The following ZNF385D variants were observed in gnomAD, a reference collection of about 807,000 sequenced individuals.
The protein encoded by ZNF385D is zinc finger protein 659.
Under a neutral mutation model 35.8 loss-of-function variants are expected in ZNF385D, and 15 were observed. The ratio of observed to expected loss-of-function variants is 0.42; its 90% CI spans 0.28 to 0.64. The LOEUF (loss-of-function observed/expected upper bound fraction) is 0.64. ZNF385D is among the 30% of genes least tolerant of loss of function. The pLI, the probability that ZNF385D is intolerant of heterozygous loss-of-function variation, is 0.23. For synonymous variants in ZNF385D, 212 were observed against 186.8 expected, an observed-to-expected ratio of 1.13 and a Z score of -1.10; for missense variants, 474 against 494.6, an observed-to-expected ratio of 0.96 and a Z score of 0.39.
intron 2 of ZNF385D, among the ~76,000 whole-genome samples, chr3:22,202,828 A>G (rs1271434695): frequency 6.6e-6 from 1 of 152,110 alleles, no homozygotes; most frequent in African/African-American, 2.4e-5. Context: ...TGGTGCCTAT[A>G]AAGGGAGCAT....
At chr3:22,092,545 G>C (rs1359299482) in intron 3 of ZNF385D, among the ~76,000 whole-genome samples, 1 of 152,156 alleles carries the variant, frequency 6.6e-6, no homozygotes, top group Non-Finnish European at 1.5e-5. Context: ...AGATGTTCAT[G>C]GCTATGCCCT....
intron 3 of ZNF385D, among the ~76,000 whole-genome samples, chr3:21,995,238 G>C (rs1464245253): frequency 6.6e-6 from 1 of 152,234 alleles, no homozygotes; most frequent in Non-Finnish European, 1.5e-5. Context: ...CAATGGTATA[G>C]TTGTGTCAGG....
At position 21,421,233 on chromosome 3, in the gene ZNF385D, A is replaced by G. The variant is rs1323949411; in HGVS notation, c.1169T>C (p.Val390Ala). 5.6e-6 allele frequency: 9 copies of G among 1,614,002 alleles called. No homozygotes were observed. Among genetic ancestry groups the G allele is most frequent in the Non-Finnish European group, 7.6e-6 (9 of 1,180,030 alleles). ...TGGAATTTAGTAAGGAGCAAACAGC[A>G]CAGGAGTGTGGGCGGTCCGAATGGG... ...PGPIRTAHTP[V>A]LFAPY Residue 390 changes from valine to alanine, a missense_variant, in exon 8 of 8, where the codon GTG becomes GCG. Physicochemically the swap from Val to Ala is moderately conservative, Grantham distance 64. Coordinates refer to ENST00000281523, the MANE Select transcript of ZNF385D (RefSeq NM_024697.3).
At chr3:21,654,187 C>G (rs528739115) in intron 2 of ZNF385D, among the ~76,000 whole-genome samples, 121 of 151,508 alleles carry the variant, frequency 8.0e-4, no homozygotes, top group Middle Eastern at 3.4e-3. Flanking sequence ...TATTTGAGTC[C>G]CTTAAAATTC....
chr3:22,353,577 G>A (rs1470899260), intron 2 of ZNF385D, among the ~76,000 whole-genome samples: 4 of 152,068 alleles, frequency 2.6e-5, no homozygotes, highest in Non-Finnish European at 4.4e-5. Flanking sequence ...TCGGACTGTA[G>A]CACTATCCCC....
chr3:21,926,448 T>C (rs1333630799), intron 3 of ZNF385D, among the ~76,000 whole-genome samples: 1 of 152,150 alleles, frequency 6.6e-6, no homozygotes, highest in African/African-American at 2.4e-5. Context: ...TCCATGTCCC[T>C]GCAAAGGACA....
At chr3:22,058,394 T>C (rs1322021978) in intron 3 of ZNF385D, among the ~76,000 whole-genome samples, 14 of 152,218 alleles carry the variant, frequency 9.2e-5, no homozygotes. Context: ...TAGAACCCTA[T>C]TGTTTAAAAG....
intron 3 of ZNF385D, chr3:21,958,737 T>TA (rs1449735087): frequency 6.6e-6 from 1 of 150,936 alleles, no homozygotes; most frequent in Non-Finnish European, 1.5e-5. Flanking sequence ...CAAATAAATA[T>TA]TAAGCTGTAG....
chr3:22,165,204 G>A (rs369554911), intron 3 of ZNF385D, among the ~76,000 whole-genome samples: 1 of 152,230 alleles, frequency 6.6e-6, no homozygotes, highest in Non-Finnish European at 1.5e-5. Flanking sequence ...TGTAACAAAT[G>A]TAGCACTGTT....
At chr3:22,200,612 G>C (rs1559447796) in intron 2 of ZNF385D, among the ~76,000 whole-genome samples, 1 of 151,992 alleles carries the variant, frequency 6.6e-6, no homozygotes, top group Non-Finnish European at 1.5e-5. Context: ...AGGGTTTTGA[G>C]AGCAACTAGT....
At chr3:21,709,508 A>AACAAG (rs1312606723) in intron 1 of ZNF385D, among the ~76,000 whole-genome samples, 3 of 151,708 alleles carry the variant, frequency 2.0e-5, no homozygotes, top group Non-Finnish European at 2.9e-5. Context: ...AACAAAACAA[A>AACAAG]ACAAGACTCA....
At chr3:21,583,760 TTAAA>T (rs2063731487) in intron 2 of ZNF385D, among the ~76,000 whole-genome samples, 1 of 150,778 alleles carries the variant, frequency 6.6e-6, no homozygotes, top group African/African-American at 2.4e-5. Flanking sequence ...AATATAAATA[TTAAA>T]TTAATATTTT....
chr3:21,634,679 C>T (rs1465505554), intron 2 of ZNF385D, among the ~76,000 whole-genome samples: 2 of 151,898 alleles, frequency 1.3e-5, no homozygotes, highest in Non-Finnish European at 2.9e-5. Context: ...TATAACGTTC[C>T]TGGTAAATTG....
chr3:22,243,262 A>G (rs1196670128), intron 2 of ZNF385D, among the ~76,000 whole-genome samples: 1 of 151,162 alleles, frequency 6.6e-6, no homozygotes, highest in Non-Finnish European at 1.5e-5. Flanking sequence ...GCCAATAAGC[A>G]CATGAAAAGA....
intron 3 of ZNF385D, among the ~76,000 whole-genome samples, chr3:21,525,611 G>A (rs1489888909): frequency 6.6e-6 from 1 of 150,542 alleles, no homozygotes; most frequent in African/African-American, 2.5e-5. Flanking sequence ...TTGAACCTGG[G>A]AGGCGGAGGT....
chr3:22,056,501 T>A (rs980032508), intron 3 of ZNF385D, among the ~76,000 whole-genome samples: 94 of 152,302 alleles, frequency 6.2e-4, no homozygotes, highest in Non-Finnish European at 1.2e-3. Context: ...TTAGGATCCA[T>A]GACCCGTTAT....
intron 2 of ZNF385D, among the ~76,000 whole-genome samples, chr3:21,628,446 T>G (rs946699856): frequency 1.3e-5 from 2 of 152,048 alleles, no homozygotes; most frequent in Admixed American, 6.6e-5. Context: ...TTTTTATTCA[T>G]TTCCTAAAGG....
chr3:21,665,180 A>T (rs2066368072), intron 1 of ZNF385D, 152 bp from the exon 2 acceptor site: 2 of 987,174 alleles, frequency 2.0e-6, no homozygotes, highest in South Asian at 3.8e-5. Context: ...CCGGCCAATG[A>T]GCAAATTTGC....
chr3:21,937,332 G>A (rs562986071), intron 3 of ZNF385D, among the ~76,000 whole-genome samples: 1 of 152,150 alleles, frequency 6.6e-6, no homozygotes, highest in South Asian at 2.1e-4. Flanking sequence ...CTCCACTCCA[G>A]TGCCTTTGAC....
Sources: gnomAD v4.1 joint callset for allele counts (sites outside exome capture counted in the v4.1 genomes callset) on GRCh38, gnomAD v4.1.1 for gene constraint, MANE v1.5 for transcripts, NCBI Gene and HGNC (gene_info 2026-07-23, HGNC 2026-07-21) for gene names.